AGAP1: variants seen among roughly 807,000 people sequenced by gnomAD.
AGAP1 encodes arf-GAP with GTPase, ANK repeat and PH domain-containing protein 1.
AGAP1 carries 29 observed loss-of-function variants against 105.3 expected under a neutral mutation model. The observed-to-expected ratio is 0.28, with a 90% CI of 0.21 to 0.38. AGAP1 has a LOEUF of 0.38. Ranked by LOEUF, AGAP1 falls within the 10% of genes least tolerant of loss-of-function variation. The probability of loss-of-function intolerance (pLI) is 1.00; values close to 1 mark genes in which losing one functional copy is unlikely to be tolerated. For synonymous variants in AGAP1, 509 were observed against 485.9 expected (o/e 1.05, Z -0.63); for missense variants, 998 against 1,165.1 (o/e 0.86, Z 2.09).
In AGAP1 at chr2:236,041,212, T is replaced by C. The variant is rs564489166; in HGVS notation, c.1891+371T>C. Among the ~76,000 whole-genome samples, 18 of 151,614 alleles carry C rather than the reference T, an allele frequency of 1.2e-4. No homozygotes were observed. In the South Asian group the frequency reaches 3.8e-3, roughly 32 times the overall value. The stretch of plus-strand genomic sequence containing the variant: ...ACCCGTCTCTACAGAAAATTAAAAA[T>C]TAACTAGGCGTGGCAGCTGGCTTAC... On this transcript the variant is annotated intron_variant, in intron 15 of 17. Transcript: ENST00000304032.
At chr2:235,651,872 G>A (rs942147418) in intron 1 of AGAP1, among the ~76,000 whole-genome samples, 5 of 152,156 alleles carry the variant, frequency 3.3e-5, no homozygotes, top group Middle Eastern at 3.2e-3. Context: ...AGCGGTCCAC[G>A]GGGAGGGACA....
At position 235,958,151 on chromosome 2, in the gene AGAP1, C is replaced by T. The variant is rs969823373; in HGVS notation, c.1484-10311C>T. 1.3e-5 allele frequency among the ~76,000 whole-genome samples: 2 copies of T among 152,132 alleles called. No homozygotes were observed. The highest frequency in any genetic ancestry group is 6.6e-5 in the Admixed American group (1 of 15,258). ...ACATGTAGAAAATGAACAGCCAACC[C>T]TTCGGGAACCATTGCAGCTCTCCCA... On this transcript the variant is annotated intron_variant, in intron 12 of 17. Coordinates refer to ENST00000304032, the MANE Select transcript of AGAP1 (RefSeq NM_001037131.3). This position sits in a 1 kb window ranked among gnomAD's most constrained non-coding sequence, Gnocchi z 4.1.
chr2:235,508,628 C>T (rs777781038), intron 1 of AGAP1, among the ~76,000 whole-genome samples: 5 of 152,056 alleles, frequency 3.3e-5, no homozygotes, highest in African/African-American at 4.8e-5. Context: ...TCCCGAAGTC[C>T]GGGAGGAGGG....
chr2:235,931,058 A>C lies in AGAP1; in HGVS notation c.1483+135A>C, dbSNP rs528940007. On this transcript the variant is annotated intron_variant, in intron 12 of 17. Coordinates refer to ENST00000304032, the MANE Select transcript of AGAP1 (RefSeq NM_001037131.3). This position sits in a 1 kb window ranked among gnomAD's most constrained non-coding sequence, Gnocchi z 5.6. ...ACCCTGTGGGGCGGCTGCATCAGAG[A>C]CTCACATCTTGCCTTTCATCTGTGG... 4.0e-6 allele frequency: 4 copies of C among 992,342 alleles called. No homozygotes were observed. The highest frequency in any genetic ancestry group is 1.7e-5 in the African/African-American group (1 of 60,456). The allele number at this position is 992,342 out of a possible 1,614,324, so 61.5% of individuals were successfully genotyped here.
At chr2:235,671,050 G>A (rs1948389414) in intron 1 of AGAP1, 15 of 1,280,740 alleles carry the variant, frequency 1.2e-5, no homozygotes, top group Non-Finnish European at 1.3e-5. Context: ...ACGGCTCCCC[G>A]CGCAGAGGTG....
chr2:236,026,281 C>T (rs2057051041), intron 13 of AGAP1, among the ~76,000 whole-genome samples: 1 of 152,232 alleles, frequency 6.6e-6, no homozygotes, highest in South Asian at 2.1e-4. Flanking sequence ...AGTTGGCCAA[C>T]ATAGATGGGG....
intron 12 of AGAP1, among the ~76,000 whole-genome samples, chr2:235,947,159 T>C (rs35403162): frequency 0.049 from 7,440 of 152,230 alleles, 618 homozygotes; most frequent in African/African-American, 0.17. Flanking sequence ...ATTTCTGAGG[T>C]TTTGGTGCAC....
Position 235,777,595 on chromosome 2 carries a change from C to T in AGAP1, c.674-20164C>T, listed in dbSNP as rs1412403512. Among the ~76,000 whole-genome samples the T allele has an allele frequency of 6.6e-6, 1 of 152,212 alleles. No individual in the cohort carries two copies. On this transcript the variant is annotated intron_variant, in intron 6 of 17. Coordinates refer to ENST00000304032, the MANE Select transcript of AGAP1 (RefSeq NM_001037131.3). This position sits in a 1 kb window ranked among gnomAD's most constrained non-coding sequence, Gnocchi z 5.1. ...TAGAGGACGAGTCACAGCTGTCTCA[C>T]CTGCACCCCTCCAATCGCCTTCTCA...
intron 3 of AGAP1, among the ~76,000 whole-genome samples, chr2:235,726,767 T>C (rs184432294): frequency 1.3e-5 from 2 of 152,338 alleles, no homozygotes; most frequent in Admixed American, 1.3e-4. Context: ...CATGAGATAG[T>C]TGACCAACTT....
rs1946839047 is a variant in AGAP1, at chr2:235,631,814, G to C, written c.164-77365G>C. On this transcript the variant is annotated intron_variant, in intron 1 of 17. Coordinates refer to ENST00000304032, the MANE Select transcript of AGAP1 (RefSeq NM_001037131.3). This position sits in a 1 kb window ranked among gnomAD's most constrained non-coding sequence, Gnocchi z 5.4. ...GTTGTGACGGTCTCCTCGGCTGGGT[G>C]GCCCTTCCTGCTGTCAGGTGTGGCC... 6.6e-6 allele frequency among the ~76,000 whole-genome samples: 1 copy of C among 152,336 alleles called. No individual in the cohort carries two copies. The highest frequency in any genetic ancestry group is 1.9e-4 in the East Asian group (1 of 5,182).
rs1157006779 is a variant in AGAP1, at chr2:235,919,211, C to G, written c.1324+10305C>G. ...GCCAGCCCCGGGGGCCAGTGAGAAC[C>G]GAGGCCTTGGGAAAGGGCTTCTGGT... On this transcript the variant is annotated intron_variant, in intron 11 of 17. Transcript: ENST00000304032. This position sits in a 1 kb window ranked among gnomAD's most constrained non-coding sequence, Gnocchi z 4.1. Among the ~76,000 whole-genome samples, 1 of 152,136 alleles carries G rather than the reference C, an allele frequency of 6.6e-6. No homozygotes were observed. Among genetic ancestry groups the G allele is most frequent in the Non-Finnish European group, 1.5e-5 (1 of 68,024 alleles).
In AGAP1 at chr2:235,733,662, T is replaced by C. The variant is rs1952075996; in HGVS notation, c.311-7301T>C. On this transcript the variant is annotated intron_variant, in intron 3 of 17. Coordinates refer to ENST00000304032, the MANE Select transcript of AGAP1 (RefSeq NM_001037131.3). This position sits in a 1 kb window ranked among gnomAD's most constrained non-coding sequence, Gnocchi z 5.0. ...GTACCTTACTTAGATCTCGGTTAAA[T>C]GAAACCATGAGAGACCGTGGCCTGC... Among the ~76,000 whole-genome samples, 1 of 152,298 alleles carries C rather than the reference T, an allele frequency of 6.6e-6. No homozygotes were observed. The highest frequency in any genetic ancestry group is 2.1e-4 in the South Asian group (1 of 4,818).
intron 1 of AGAP1, among the ~76,000 whole-genome samples, chr2:235,685,618 G>A (rs1209486644): frequency 1.3e-5 from 2 of 151,870 alleles, no homozygotes; most frequent in Non-Finnish European, 2.9e-5. Context: ...GCCCATGGGT[G>A]GTTTTGTTTT....
rs1951848017 is a variant in AGAP1 at position 235,729,878 on chromosome 2, TAAAAAC to T, written c.311-11081_311-11076del. On this transcript the variant is annotated intron_variant, in intron 3 of 17. Transcript: ENST00000304032. The surrounding 1 kb of genome is among the most constrained non-coding windows in gnomAD (Gnocchi z 5.0). Reference sequence around the variant, plus strand: ...TAGTTTCTTTAAAGGGTTGTAAACATAAAAACAAAGAAGGATACAACATGCAAGGCC... The same window carrying T: ...TAGTTTCTTTAAAGGGTTGTAAACATAAAGAAGGATACAACATGCAAGGCC... Among the ~76,000 whole-genome samples, 1 of 152,094 alleles carries T rather than the reference TAAAAAC, an allele frequency of 6.6e-6. No individual in the cohort carries two copies. Among genetic ancestry groups the T allele is most frequent in the African/African-American group, 2.4e-5 (1 of 41,376 alleles).
At chr2:235,592,341 A>G (rs954121539) in intron 1 of AGAP1, among the ~76,000 whole-genome samples, 3 of 151,980 alleles carry the variant, frequency 2.0e-5, no homozygotes, top group African/African-American at 7.3e-5. Flanking sequence ...GGAGGAGTAG[A>G]TGAGCCATGT....
Position 236,078,992 on chromosome 2 carries a change from G to C in AGAP1, c.2114+29711G>C, listed in dbSNP as rs992189009. Among the ~76,000 whole-genome samples the C allele has an allele frequency of 6.6e-6, 1 of 152,156 alleles. No individual in the cohort carries two copies. The highest frequency in any genetic ancestry group is 2.4e-5 in the African/African-American group (1 of 41,440). On this transcript the variant is annotated intron_variant, in intron 16 of 17. Coordinates refer to ENST00000304032, the MANE Select transcript of AGAP1 (RefSeq NM_001037131.3). The surrounding 1 kb of genome is among the most constrained non-coding windows in gnomAD (Gnocchi z 5.3). The stretch of plus-strand genomic sequence containing the variant: ...CCGTCCCTTTAGCCTCATCCCTCAT[G>C]GGGGAAGATACCTGATGCCGGGGCT...
chr2:236,124,853 TC>T lies in AGAP1; in HGVS notation c.*732del, dbSNP rs2059979014. On this transcript the variant is annotated 3_prime_UTR_variant, in exon 18 of 18. Coordinates refer to ENST00000304032, the MANE Select transcript of AGAP1 (RefSeq NM_001037131.3). The surrounding 1 kb of genome is among the most constrained non-coding windows in gnomAD (Gnocchi z 5.1). Reference sequence around the variant, plus strand: ...AAGCACCATATTATCCCAGACATGTTCTTTCAAGCCCTTGGAGCCCTCTCTA... The same window carrying T: ...AAGCACCATATTATCCCAGACATGTTTTTCAAGCCCTTGGAGCCCTCTCTA... 1 of 153,234 alleles carries T rather than the reference TC, an allele frequency of 6.5e-6. No individual in the cohort carries two copies. Among genetic ancestry groups the T allele is most frequent in the South Asian group, 2.1e-4 (1 of 4,832 alleles). 9.5% of individuals were successfully genotyped at this position (153,234 alleles called of 1,614,324 possible).
At chr2:235,648,219 C>T (rs1207259770) in intron 1 of AGAP1, among the ~76,000 whole-genome samples, 10 of 152,200 alleles carry the variant, frequency 6.6e-5, no homozygotes, top group Non-Finnish European at 1.5e-4. Context: ...GCTACCTGCC[C>T]CTCCACCTCC....
At chr2:235,880,083 CT>C (rs35633339) in intron 9 of AGAP1, among the ~76,000 whole-genome samples, 43,710 of 138,650 alleles carry the variant, frequency 0.32, 6,967 homozygotes, top group Admixed American at 0.44. Flanking sequence ...GCACTCTGGC[CT>C]TTTTTTTTTT....
Sources: allele counts gnomAD v4.1 joint callset (sites outside exome capture counted in the v4.1 genomes callset), GRCh38; gene constraint gnomAD v4.1.1; non-coding constraint Gnocchi (gnomAD v3.1); transcripts MANE v1.5; gene names NCBI Gene and HGNC (gene_info 2026-07-23, HGNC 2026-07-21).